ZNF107: variants seen among roughly 807,000 people sequenced by gnomAD.
The protein encoded by ZNF107 is C2H2 type zinc-finger protein.
Under a neutral mutation model 12.3 loss-of-function variants are expected in ZNF107, and 19 were observed. That is an observed-to-expected ratio of 1.55 (90% CI 1.08 to 2.27). The LOEUF (loss-of-function observed/expected upper bound fraction) is 2.27. Ranked by LOEUF, ZNF107 falls within the 30% of genes most tolerant of loss-of-function variation. The probability of loss-of-function intolerance (pLI) is 0.00; values close to 1 mark genes in which losing one functional copy is unlikely to be tolerated. For missense variants in ZNF107, 958 were observed against 979.9 expected, an observed-to-expected ratio of 0.98 and a Z score of 0.30; for synonymous variants, 317 against 330.5, an observed-to-expected ratio of 0.96 and a Z score of 0.44.
At chr7:64,705,531 C>T (rs953662644) in intron 3 of ZNF107, among the ~76,000 whole-genome samples, 4 of 151,768 alleles carry the variant, frequency 2.6e-5, no homozygotes, top group African/African-American at 4.8e-5. Flanking sequence ...ATTTTTTATA[C>T]GTTGTAATCT....
chr7:64,693,321 T>A (rs1342711506), intron 3 of ZNF107, among the ~76,000 whole-genome samples: 1 of 151,280 alleles, frequency 6.6e-6, no homozygotes, highest in Non-Finnish European at 1.5e-5. Flanking sequence ...CCAGTTTTTT[T>A]TTTTTTTTTC....
intron 1 of ZNF107, among the ~76,000 whole-genome samples, chr7:64,668,160 TTTA>T (rs1165253991): frequency 6.6e-5 from 10 of 152,048 alleles, no homozygotes; most frequent in Admixed American, 6.6e-4. Flanking sequence ...TTTCTTTTTT[TTTA>T]TTATTATTAT....
At chr7:64,675,434 G>A (rs1397223739) in intron 1 of ZNF107, among the ~76,000 whole-genome samples, 1 of 151,994 alleles carries the variant, frequency 6.6e-6, no homozygotes, top group Non-Finnish European at 1.5e-5. Flanking sequence ...GTTTTTGTGG[G>A]GTCAGTGGTA....
At position 64,691,895 on chromosome 7, in the gene ZNF107, C is replaced by A. The variant is rs746738977; in HGVS notation, c.161C>A (p.Thr54Asn). Residue 54 changes from threonine (T) to asparagine (N), a missense_variant, in exon 3 of 4, where the codon ACC (threonine) becomes AAC (asparagine). Thr to Asn is a moderately conservative substitution (Grantham distance 65). Transcript: ENST00000620827. ...GIAVSKPYLI[T>N]CLEQKKEPWN... is the part of the protein sequence containing the mutation. ...GCTGTCTCTAAGCCATATCTGATCA[C>A]CTGTCTGGAGCAAAAAAAAGAGCCC... 18 of 1,509,076 alleles carry A rather than the reference C, an allele frequency of 1.2e-5. No individual in the cohort carries two copies. The Admixed American group carries it at 3.8e-4, about 32-fold the overall frequency. The allele number at this position is 1,509,076 out of a possible 1,614,324, so 93.5% of individuals were successfully genotyped here.
At chr7:64,686,643 T>TA in intron 1 of ZNF107, 2 of 985,246 alleles carry the variant, frequency 2.0e-6, no homozygotes, top group Non-Finnish European at 2.4e-6. Flanking sequence ...GACCAGCACA[T>TA]ATGCCTCCAG....
chr7:64,687,493 C>T, intron 1 of ZNF107: 1 of 985,348 alleles, frequency 1.0e-6, no homozygotes, highest in Non-Finnish European at 1.2e-6. Flanking sequence ...GGGGGCTCTG[C>T]CTCAGTGGCA....
Position 64,699,647 on chromosome 7 carries a change from T to C in ZNF107, c.227-6677T>C, listed in dbSNP as rs560569939. Among the ~76,000 whole-genome samples, 11 of 152,274 alleles carry C rather than the reference T, an allele frequency of 7.2e-5. No individual in the cohort carries two copies. The South Asian group carries it at 2.3e-3, about 32-fold the overall frequency. On this transcript the variant is annotated intron_variant, in intron 3 of 3. Transcript: ENST00000620827. ...GGCCTCACTAAGTTGTCCATGCTGGTCTCAAACTTCTGGCCCCAGTAATCT... is the reference window on the plus strand; with the variant it reads ...GGCCTCACTAAGTTGTCCATGCTGGCCTCAAACTTCTGGCCCCAGTAATCT...
intron 1 of ZNF107, among the ~76,000 whole-genome samples, chr7:64,667,951 C>CAA (rs56005729): frequency 0.16 from 21,571 of 138,712 alleles, 2,074 homozygotes; most frequent in East Asian, 0.41. Flanking sequence ...TTCCAGAAGA[C>CAA]AAAAAAAAAA....
At chr7:64,668,512 C>T (rs1789096062) in intron 1 of ZNF107, among the ~76,000 whole-genome samples, 2 of 152,022 alleles carry the variant, frequency 1.3e-5, no homozygotes, top group African/African-American at 4.8e-5. Flanking sequence ...AGCCCCGCCA[C>T]TCCCTGGGTT....
rs934817987 is a variant in ZNF107 at position 64,710,552 on chromosome 7, T to C, written c.*1896T>C. 3.9e-5 allele frequency: 6 copies of C among 152,136 alleles called. No homozygotes were observed. Among genetic ancestry groups the C allele is most frequent in the Middle Eastern group, 3.2e-3 (1 of 316 alleles). The allele number at this position is 152,136 out of a possible 1,614,324, so 9.4% of individuals were successfully genotyped here. ...GAAAATAATTTAAAACTAAAGTTGG[T>C]AGGTAAATAATGTGTATATAACTTT... On this transcript the variant is annotated 3_prime_UTR_variant, in exon 4 of 4. Coordinates refer to ENST00000620827, the MANE Select transcript of ZNF107 (RefSeq NM_001282359.2).
At chr7:64,667,467 C>T (rs1159783131) in intron 1 of ZNF107, among the ~76,000 whole-genome samples, 1 of 151,750 alleles carries the variant, frequency 6.6e-6, no homozygotes, top group Non-Finnish European at 1.5e-5. Context: ...CTTCCCTAGG[C>T]GCAGAGATCT....
At chr7:64,683,469 A>G (rs567329982) in intron 1 of ZNF107, among the ~76,000 whole-genome samples, 1 of 152,268 alleles carries the variant, frequency 6.6e-6, no homozygotes, top group South Asian at 2.1e-4. Flanking sequence ...AAAGACCAGT[A>G]TATTTCTTTC....
At chr7:64,677,685 C>T (rs1434231387) in intron 1 of ZNF107, among the ~76,000 whole-genome samples, 1 of 151,274 alleles carries the variant, frequency 6.6e-6, no homozygotes, top group Non-Finnish European at 1.5e-5. Flanking sequence ...AACCCTGTCT[C>T]TACTAAAAAT....
At position 64,707,238 on chromosome 7, in the gene ZNF107, T is replaced by A; in HGVS notation, c.1141T>A (p.Ser381Thr). ...AGAATGTGACAAAGCTTTTAACCGA[T>A]CCTTAAAACTTACTGCACATAAGAA... ...CEECDKAFNR[S>T]LKLTAHKKIL... The change falls in exon 4 of 4, where the codon TCC (serine) becomes ACC (threonine). Residue 381 changes from serine to threonine, a missense_variant. Transcript: ENST00000620827. 1 of 1,612,794 alleles carries A rather than the reference T, an allele frequency of 6.2e-7. No individual in the cohort carries two copies. Among genetic ancestry groups the A allele is most frequent in the South Asian group, 1.1e-5 (1 of 90,938 alleles).
intron 3 of ZNF107, 59 bp downstream of exon 3, chr7:64,692,019 G>C: frequency 2.6e-6 from 3 of 1,140,562 alleles, no homozygotes; most frequent in Non-Finnish European, 3.5e-6. Context: ...AAAGGTCAAA[G>C]AAAAAGCCAG....
At position 64,707,966 on chromosome 7, in the gene ZNF107, T is replaced by C. The variant is rs1311265809; in HGVS notation, c.1869T>C (p.Cys623=). Residue 623 remains cysteine (C), a synonymous_variant, in exon 4 of 4, where the codon TGT becomes TGC. Coordinates refer to ENST00000620827, the MANE Select transcript of ZNF107 (RefSeq NM_001282359.2). ...ATACTGGAGAGAAACCCTACAAATG[T>C]GAAGAACATGGCAAAGTTTTTAACC... ...IIHTGEKPYK[C]EEHGKVFNQS... is the part of the protein sequence containing the mutation. 1 of 1,613,628 alleles carries C rather than the reference T, an allele frequency of 6.2e-7. No individual in the cohort carries two copies. The highest frequency in any genetic ancestry group is 8.5e-7 in the Non-Finnish European group (1 of 1,179,762).
Position 64,673,807 on chromosome 7 carries a change from G to A in ZNF107, c.3+7522G>A, listed in dbSNP as rs143335968. Among the ~76,000 whole-genome samples, 193 of 152,262 alleles carry A rather than the reference G, an allele frequency of 1.3e-3. 1 individual carries two copies. Among genetic ancestry groups the A allele is most frequent in the African/African-American group, 4.5e-3 (186 of 41,574 alleles). ...TACATAGTGTTAGCTAGTTATTCTA[G>A]CATCATTTATTAAATACGGAATTCT... On this transcript the variant is annotated intron_variant, in intron 1 of 3. Coordinates refer to ENST00000620827, the MANE Select transcript of ZNF107 (RefSeq NM_001282359.2).
rs1238194498 is a variant in ZNF107, at chr7:64,707,346, A to G, written c.1249A>G (p.Ile417Val). 54 of 1,613,274 alleles carry G rather than the reference A, an allele frequency of 3.3e-5. No homozygotes were observed. The highest frequency in any genetic ancestry group is 4.2e-5 in the Non-Finnish European group (50 of 1,179,758). Reference sequence around the variant, plus strand: ...GTTCTCAACTCTTACTAGACATAAGATAATTCATACTGGAGAGAAACCCTA... The same window carrying G: ...GTTCTCAACTCTTACTAGACATAAGGTAATTCATACTGGAGAGAAACCCTA... Reference protein sequence around the residue: ...NQFSTLTRHKIIHTGEKPYKC... With the variant: ...NQFSTLTRHKVIHTGEKPYKC... The change falls in exon 4 of 4, where the codon ATA becomes GTA. Residue 417 changes from isoleucine (I) to valine (V), a missense_variant. By Grantham distance (29) the Ile-to-Val change is conservative. Transcript: ENST00000620827.
At position 64,666,652 on chromosome 7, in the gene ZNF107, C is replaced by T. The variant is rs1306224263; in HGVS notation, c.3+367C>T. Among the ~76,000 whole-genome samples, 3 of 152,136 alleles carry T rather than the reference C, an allele frequency of 2.0e-5. 1 individual carries two copies. The highest frequency in any genetic ancestry group is 7.2e-5 in the African/African-American group (3 of 41,428). ...CAGGGGAGAATCCTGACTCGGGATG[C>T]GGGGTTCATGAATGGGAAAAGCTTT... On this transcript the variant is annotated intron_variant, in intron 1 of 3. Coordinates refer to ENST00000620827, the MANE Select transcript of ZNF107 (RefSeq NM_001282359.2).
Sources: gnomAD v4.1 joint callset for allele counts (sites outside exome capture counted in the v4.1 genomes callset) on GRCh38, gnomAD v4.1.1 for gene constraint, MANE v1.5 for transcripts, NCBI Gene and HGNC (gene_info 2026-07-23, HGNC 2026-07-21) for gene names.